TMEM43: variants seen among roughly 807,000 people sequenced by gnomAD.
TMEM43 encodes arrhythmogenic right ventricular dysplasia 5.
In TMEM43, 45 loss-of-function variants were observed where a neutral mutation model predicts 49.6. That is an observed-to-expected ratio of 0.91 (90% confidence interval 0.71 to 1.16). The LOEUF is 1.16. TMEM43 is among the 50% of genes most tolerant of loss of function. TMEM43 has a pLI of 0.00. For synonymous variants in TMEM43, 199 were observed against 207.8 expected (o/e 0.96, Z 0.36); for missense variants, 532 against 516.6 (o/e 1.03, Z -0.29).
intron 1 of TMEM43, chr3:14,128,767 C>G (rs1279709161): frequency 3.7e-6 from 1 of 270,644 alleles, no homozygotes; most frequent in African/African-American, 2.3e-5. Flanking sequence ...AGCAGTTGTA[C>G]TCCTAGGTAT....
chr3:14,126,508 A>G (rs1374604463), intron 1 of TMEM43, among the ~76,000 whole-genome samples: 1 of 152,200 alleles, frequency 6.6e-6, no homozygotes, highest in Non-Finnish European at 1.5e-5. Flanking sequence ...GGGGCAATCC[A>G]GATTCTTCCA....
rs1695065710 is a variant in TMEM43 at position 14,129,552 on chromosome 3, C to T, written c.153C>T (p.Phe51=). The T allele has an allele frequency of 6.2e-7, 1 of 1,614,090 alleles. No homozygotes were observed. Among genetic ancestry groups the T allele is most frequent in the Non-Finnish European group, 8.5e-7 (1 of 1,180,014 alleles). Residue 51 remains phenylalanine, a synonymous_variant, in exon 2 of 12, where the codon TTC becomes TTT. Coordinates refer to ENST00000306077, the MANE Select transcript of TMEM43 (RefSeq NM_024334.3). ...MAFLLSFYLI[F]TNEGRALKTA... Reference sequence around the variant, plus strand: ...TCCTGCTCTCCTTCTACCTAATTTTCACCAATGAGGTAAAATGTCTGGGGT... The same window carrying T: ...TCCTGCTCTCCTTCTACCTAATTTTTACCAATGAGGTAAAATGTCTGGGGT...
intron 1 of TMEM43, among the ~76,000 whole-genome samples, chr3:14,127,144 G>A (rs150619904): frequency 1.1e-3 from 169 of 152,188 alleles, no homozygotes; most frequent in Non-Finnish European, 1.7e-3. Flanking sequence ...GTGTGTGTGT[G>A]TTTATATAAT....
At chr3:14,130,785 CT>C (rs1216742875) in intron 2 of TMEM43, 36 bp from the exon 3 acceptor site, 3 of 1,611,754 alleles carry the variant, frequency 1.9e-6, no homozygotes, top group South Asian at 2.2e-5. Flanking sequence ...TGAGCCACCC[CT>C]GAGCTGTTGA....
In TMEM43 at chr3:14,135,928, C is replaced by T. The variant is rs1695163974; in HGVS notation, c.882+20C>T. 6 of 1,596,638 alleles carry T rather than the reference C, an allele frequency of 3.8e-6. No homozygotes were observed. Among genetic ancestry groups the T allele is most frequent in the Non-Finnish European group, 4.3e-6 (5 of 1,164,016 alleles). ...GCAGAGGTGAGTGCTGTGCCCTACT[C>T]GTACGGTGGAGGAACAAGCATGTCC... On this transcript the variant is annotated intron_variant, in intron 10 of 11. Coordinates refer to ENST00000306077, the MANE Select transcript of TMEM43 (RefSeq NM_024334.3).
intron 4 of TMEM43, among the ~76,000 whole-genome samples, 190 bp from the exon 5 acceptor site, chr3:14,132,356 C>G (rs778145461): frequency 9.2e-4 from 140 of 152,296 alleles, no homozygotes; most frequent in Non-Finnish European, 1.8e-3. Flanking sequence ...CAGGTAGCGC[C>G]TTGGAGGGCA....
chr3:14,133,851 C>T (rs1695132659), intron 7 of TMEM43, 42 bp downstream of exon 7: 1 of 1,578,986 alleles, frequency 6.3e-7, no homozygotes, highest in South Asian at 1.1e-5. Flanking sequence ...GCCAGAAGCA[C>T]AAGGCCCCCC....
At position 14,139,206 on chromosome 3, in the gene TMEM43, C is replaced by T. The variant is rs35100587; in HGVS notation, c.909C>T (p.Ser303=). 32,248 of 1,613,800 alleles carry T rather than the reference C, an allele frequency of 0.02. 430 individuals are homozygous for T. The highest frequency in any genetic ancestry group is 0.035 in the Middle Eastern group (215 of 6,060). Residue 303 remains serine, a synonymous_variant, in exon 11 of 12, where the codon AGC becomes AGT. Coordinates refer to ENST00000306077, the MANE Select transcript of TMEM43 (RefSeq NM_024334.3). ...AGGTGTTTCATAGAGAACTAAGGAG[C>T]AACTCCATGAAGACCTGGGGCCTGC... ...AEEVFHRELR[S]NSMKTWGLRA...
intron 1 of TMEM43, among the ~76,000 whole-genome samples, chr3:14,128,157 C>T (rs1290390802): frequency 6.6e-6 from 1 of 152,192 alleles, no homozygotes; most frequent in Non-Finnish European, 1.5e-5. Context: ...TGGTATGTGG[C>T]AGAGCATAAA....
intron 11 of TMEM43, among the ~76,000 whole-genome samples, chr3:14,139,937 T>C (rs982029270): frequency 6.6e-6 from 1 of 152,160 alleles, no homozygotes; most frequent in Non-Finnish European, 1.5e-5. Flanking sequence ...AAGTGCGTTC[T>C]GGGCCCAGGA....
chr3:14,137,235 G>A (rs1208404539), intron 10 of TMEM43: 1 of 149,546 alleles, frequency 6.7e-6, no homozygotes, highest in African/African-American at 2.5e-5. Context: ...CCTCAGGGTA[G>A]GGCTGCCACC....
Position 14,131,635 on chromosome 3 carries a change from A to G in TMEM43, c.353A>G (p.His118Arg), listed in dbSNP as rs796729938. The G allele has an allele frequency of 5.6e-6, 9 of 1,614,174 alleles. No individual in the cohort carries two copies. Among genetic ancestry groups the G allele is most frequent in the Non-Finnish European group, 7.6e-6 (9 of 1,180,016 alleles). ...CTTCCGGCTGTGAAACTGCGGAGGC[A>G]CGTGGAGATGTACCAATGGGTAGAA... ...VHLPAVKLRR[H>R]VEMYQWVETE... Residue 118 changes from histidine to arginine, a missense_variant, in exon 4 of 12, where the codon CAC becomes CGC. By Grantham distance (29) the His-to-Arg change is conservative. Transcript: ENST00000306077.
At chr3:14,138,586 G>A (rs1695206147) in intron 10 of TMEM43, among the ~76,000 whole-genome samples, 1 of 152,184 alleles carries the variant, frequency 6.6e-6, no homozygotes. Flanking sequence ...GGTGGTGGAG[G>A]TGGTGGGAGC....
At chr3:14,134,636 G>A (rs983956655) in intron 7 of TMEM43, 134 bp from the exon 8 acceptor site, 1 of 1,213,502 alleles carries the variant, frequency 8.2e-7, no homozygotes, top group Non-Finnish European at 1.2e-6. Flanking sequence ...GACAGAGTCA[G>A]AAAGAGGCAC....
At position 14,132,820 on chromosome 3, in the gene TMEM43, G is replaced by C. The variant is rs370539390; in HGVS notation, c.443-46G>C. 10 of 1,587,944 alleles carry C rather than the reference G, an allele frequency of 6.3e-6. No individual in the cohort carries two copies. In the African/African-American group the frequency reaches 9.4e-5, roughly 15 times the overall value. On this transcript the variant is annotated intron_variant, in intron 5 of 11. Coordinates refer to ENST00000306077, the MANE Select transcript of TMEM43 (RefSeq NM_024334.3). ...AGCTGGGCTGGTGGGTCTCAGCCGC[G>C]TGCCACTCCTACCCGGGCTCTGAGT...
chr3:14,132,443 T>G, intron 4 of TMEM43, 103 bp from the exon 5 acceptor site: 3 of 1,211,332 alleles, frequency 2.5e-6, no homozygotes. Flanking sequence ...ATCTGGGGAG[T>G]CTGATCTGGT....
rs1269566290 is a variant in TMEM43 at position 14,132,898 on chromosome 3, A to G, written c.475A>G (p.Lys159Glu). ...TEWRSEIINS[K>E]NFDREIGHKN... ...ATGGAGGTCAGAAATCATCAACAGC[A>G]AAAACTTCGACCGAGAGATTGGCCA... Residue 159 changes from lysine (K) to glutamate (E), a missense_variant, in exon 6 of 12, where the codon AAA becomes GAA. Lys to Glu is a moderately conservative substitution (Grantham distance 56). Transcript: ENST00000306077. 7 of 1,613,904 alleles carry G rather than the reference A, an allele frequency of 4.3e-6. No homozygotes were observed. In the Admixed American group the frequency reaches 6.7e-5, roughly 15 times the overall value.
intron 10 of TMEM43, among the ~76,000 whole-genome samples, chr3:14,138,142 G>T (rs1381407222): frequency 2.0e-5 from 3 of 152,170 alleles, no homozygotes; most frequent in Non-Finnish European, 4.4e-5. Context: ...TGAAGAAATG[G>T]GGTTCAAGCA....
chr3:14,139,263 C>T lies in TMEM43; in HGVS notation c.966C>T (p.Gly322=), dbSNP rs1202053578. ...RAAGWMAMFM[G]LNLMTRILYT... is the part of the protein sequence containing the mutation. ...CTGGCTGGATGGCCATGTTCATGGGCCTCAACCTTATGACACGGATCCTCT... is the reference window on the plus strand; with the variant it reads ...CTGGCTGGATGGCCATGTTCATGGGTCTCAACCTTATGACACGGATCCTCT... Residue 322 remains glycine (G), a synonymous_variant, in exon 11 of 12, where the codon GGC becomes GGT. Coordinates refer to ENST00000306077, the MANE Select transcript of TMEM43 (RefSeq NM_024334.3). 3.1e-6 allele frequency: 5 copies of T among 1,614,068 alleles called. No individual in the cohort carries two copies. The highest frequency in any genetic ancestry group is 4.2e-6 in the Non-Finnish European group (5 of 1,179,944).
Sources: gnomAD v4.1 joint callset for allele counts (sites outside exome capture counted in the v4.1 genomes callset) on GRCh38, gnomAD v4.1.1 for gene constraint, MANE v1.5 for transcripts, NCBI Gene and HGNC (gene_info 2026-07-23, HGNC 2026-07-21) for gene names.